NELL2: variants seen among roughly 807,000 people sequenced by gnomAD.
NELL2 encodes the protein protein kinase C-binding protein NELL2.
Under a neutral mutation model 109.6 loss-of-function variants are expected in NELL2, and 41 were observed. The ratio of observed to expected loss-of-function variants is 0.37; its 90% confidence interval spans 0.29 to 0.49. The LOEUF (loss-of-function observed/expected upper bound fraction) is 0.49, where lower values mean the gene tolerates loss of function less well. NELL2 is among the 20% of genes least tolerant of loss of function. NELL2 has a pLI of 0.98. For missense variants in NELL2, 900 were observed against 1,008.3 expected, an observed-to-expected ratio of 0.89 and a Z score of 1.45; for synonymous variants, 355 against 344.7, an observed-to-expected ratio of 1.03 and a Z score of -0.33.
chr12:44,697,263 T>A (rs1202305076), intron 12 of NELL2, among the ~76,000 whole-genome samples: 2 of 152,186 alleles, frequency 1.3e-5, no homozygotes, highest in East Asian at 3.8e-4. Flanking sequence ...TCAGGGTTGG[T>A]GATGGCTGGA....
At chr12:44,861,374 A>G (rs758762088) in intron 2 of NELL2, among the ~76,000 whole-genome samples, 1 of 152,182 alleles carries the variant, frequency 6.6e-6, no homozygotes, top group Non-Finnish European at 1.5e-5. Flanking sequence ...TTCTAGTGCC[A>G]AACCGGATCC....
At chr12:44,742,882 A>T (rs1346600827) in intron 9 of NELL2, among the ~76,000 whole-genome samples, 1 of 152,232 alleles carries the variant, frequency 6.6e-6, no homozygotes, top group Non-Finnish European at 1.5e-5. Context: ...ACGATGCAGG[A>T]TATTATCCAG....
intron 13 of NELL2, among the ~76,000 whole-genome samples, chr12:44,644,620 A>ATG (rs1420921659): frequency 1.0e-5 from 1 of 95,810 alleles, no homozygotes; most frequent in Non-Finnish European, 2.1e-5. Context: ...ATATATATAT[A>ATG]TATATACATA....
intron 15 of NELL2, among the ~76,000 whole-genome samples, chr12:44,591,552 A>C (rs1944750830): frequency 6.6e-6 from 1 of 152,166 alleles, no homozygotes; most frequent in African/African-American, 2.4e-5. Context: ...TCACCCATAC[A>C]TGGAACCTAA....
intron 9 of NELL2, 56 bp downstream of exon 9, chr12:44,774,691 T>C (rs761297030): frequency 1.4e-6 from 2 of 1,389,682 alleles, no homozygotes. Flanking sequence ...TGAATACTTA[T>C]TAATACAGTG....
chr12:44,575,799 T>C (rs2136201913), intron 15 of NELL2, among the ~76,000 whole-genome samples: 1 of 152,348 alleles, frequency 6.6e-6, no homozygotes, highest in South Asian at 2.1e-4. Flanking sequence ...TTCTTCTCAC[T>C]CCCACTTTGA....
intron 3 of NELL2, among the ~76,000 whole-genome samples, chr12:44,783,233 G>C (rs1242409770): frequency 6.6e-6 from 1 of 151,252 alleles, no homozygotes; most frequent in Non-Finnish European, 1.5e-5. Flanking sequence ...AACAGGTAAA[G>C]CAATACTTGA....
In NELL2 at chr12:44,818,725, A is replaced by ATTTTTTTTTTTTTTTTTTTT. The variant is rs1409987918; in HGVS notation, c.185-2590_185-2589insAAAAAAAAAAAAAAAAAAAA. On this transcript the variant is annotated intron_variant, in intron 2 of 19. Coordinates refer to ENST00000429094, the MANE Select transcript of NELL2 (RefSeq NM_001145108.2). ...CTGAGAGGCTATATTTTGTTCACTT[A>ATTTTTTTTTTTTTTTTTTTT]TTTTTTTTTTTTTATTTTTTTTTTT... Among the ~76,000 whole-genome samples, 3 of 72,146 alleles carry ATTTTTTTTTTTTTTTTTTTT rather than the reference A, an allele frequency of 4.2e-5. 1 individual carries two copies. The highest frequency in any genetic ancestry group is 7.6e-5 in the Non-Finnish European group (3 of 39,390). 47.3% of individuals were successfully genotyped at this position (72,146 alleles called of 152,430 possible). A position where few individuals can be genotyped will look rare whatever the true frequency, so the allele number is the denominator to read the frequency against.
intron 2 of NELL2, among the ~76,000 whole-genome samples, chr12:44,844,921 A>G (rs1013927644): frequency 6.6e-6 from 1 of 152,158 alleles, no homozygotes; most frequent in Non-Finnish European, 1.5e-5. Flanking sequence ...ATTATAATTA[A>G]TAATCATTCT....
intron 15 of NELL2, among the ~76,000 whole-genome samples, chr12:44,578,775 T>C (rs1484332277): frequency 2.0e-5 from 3 of 152,154 alleles, no homozygotes; most frequent in Admixed American, 2.0e-4. Flanking sequence ...TAGGTTTTCT[T>C]GAAGAAACAG....
At position 44,556,334 on chromosome 12, in the gene NELL2, G is replaced by C. The variant is rs941967114; in HGVS notation, c.1664-23613C>G. Among the ~76,000 whole-genome samples the C allele has an allele frequency of 2.0e-4, 30 of 152,284 alleles. 1 individual carries two copies. In the South Asian group the frequency reaches 3.7e-3, roughly 19 times the overall value. On this transcript the variant is annotated intron_variant, in intron 15 of 19. Coordinates refer to ENST00000429094, the MANE Select transcript of NELL2 (RefSeq NM_001145108.2). The stretch of plus-strand genomic sequence containing the variant: ...GAGGGGCTGATTTGAAATCTTAAGT[G>C]GGAAAAAAGGATAGGCAGAGCTTGT...
At chr12:44,574,035 G>A (rs1042895999) in intron 15 of NELL2, among the ~76,000 whole-genome samples, 17 of 151,948 alleles carry the variant, frequency 1.1e-4, no homozygotes, top group African/African-American at 4.1e-4. Flanking sequence ...TATCATTAAG[G>A]GTTTTTGCTT....
rs546768048 is a variant in NELL2, at chr12:44,883,371, A to T, written c.39-7471T>A. The stretch of plus-strand genomic sequence containing the variant: ...CAGCAGGCAAAGTCTTTCTCACACT[A>T]CACTCTCTCTGGTTCTCTGACTACA... On this transcript the variant is annotated intron_variant, in intron 1 of 20. Coordinates refer to the NELL2 transcript ENST00000333837. 5.8e-4 allele frequency among the ~76,000 whole-genome samples: 78 copies of T among 135,540 alleles called. 5 individuals carry two copies. In the South Asian group the frequency reaches 0.024, roughly 42 times the overall value. The allele number at this position is 135,540 out of a possible 152,430, so 88.9% of individuals were successfully genotyped here. A position where few individuals can be genotyped will look rare whatever the true frequency, so the allele number is the denominator to read the frequency against.
At chr12:44,847,470 T>C (rs996062418) in intron 2 of NELL2, among the ~76,000 whole-genome samples, 29 of 152,154 alleles carry the variant, frequency 1.9e-4, no homozygotes, top group African/African-American at 7.0e-4. Flanking sequence ...GATAATATTT[T>C]ATAAATTATT....
chr12:44,885,033 C>T (rs764735516), intron 1 of NELL2, among the ~76,000 whole-genome samples: 1 of 151,998 alleles, frequency 6.6e-6, no homozygotes, highest in Non-Finnish European at 1.5e-5. Context: ...AATCCCAGCA[C>T]TTTGGGAGGC....
chr12:44,574,681 A>G (rs968670785), intron 15 of NELL2, among the ~76,000 whole-genome samples: 1 of 152,212 alleles, frequency 6.6e-6, no homozygotes, highest in African/African-American at 2.4e-5. Flanking sequence ...AAATTTGTAA[A>G]TCAACATGAA....
intron 2 of NELL2, among the ~76,000 whole-genome samples, chr12:44,842,911 C>T (rs1201442397): frequency 1.3e-5 from 2 of 151,984 alleles, no homozygotes; most frequent in Non-Finnish European, 2.9e-5. Context: ...CAAGAATTAC[C>T]AGGAGCCAGC....
intron 2 of NELL2, among the ~76,000 whole-genome samples, chr12:44,844,150 G>C (rs1252673095): frequency 6.6e-6 from 1 of 152,170 alleles, no homozygotes; most frequent in African/African-American, 2.4e-5. Context: ...TTTTATAAGA[G>C]TCTTAATCCC....
At chr12:44,784,842 T>C (rs971648399) in intron 3 of NELL2, among the ~76,000 whole-genome samples, 1 of 152,186 alleles carries the variant, frequency 6.6e-6, no homozygotes, top group Non-Finnish European at 1.5e-5. Context: ...CCCTTCATGC[T>C]AAAAACACTC....
Sources: gnomAD v4.1 joint callset for allele counts (sites outside exome capture counted in the v4.1 genomes callset) on GRCh38, gnomAD v4.1.1 for gene constraint, MANE v1.5 for transcripts, NCBI Gene and HGNC (gene_info 2026-07-23, HGNC 2026-07-21) for gene names.